Variants in LRRC56 observed in about 807,000 individuals in gnomAD.
LRRC56 encodes the protein leucine rich repeat containing 56.
A neutral mutation model predicts 47.8 loss-of-function variants in LRRC56; 41 were observed. The observed-to-expected ratio is 0.86, with a 90% CI of 0.67 to 1.11. The LOEUF (loss-of-function observed/expected upper bound fraction) is 1.11. LRRC56 is among the 50% of genes most tolerant of loss of function. LRRC56 has a pLI of 0.00. For synonymous variants in LRRC56, 387 were observed against 311.2 expected, an observed-to-expected ratio of 1.24 and a Z score of -2.56; for missense variants, 759 against 704.2, an observed-to-expected ratio of 1.08 and a Z score of -0.88.
Position 541,186 on chromosome 11 carries a change from G to T in LRRC56, c.177+325G>T, listed in dbSNP as rs1265447139. On this transcript the variant is annotated intron_variant, in intron 4 of 13. Coordinates refer to ENST00000270115, the MANE Select transcript of LRRC56 (RefSeq NM_198075.4). The surrounding 1 kb of genome is among the most constrained non-coding windows in gnomAD (Gnocchi z 4.1). ...CATTATCCTCCAACCAAAGAGGGGGGTCCTTCACTCAAGCGGGAGACCAGA... is the reference window on the plus strand; with the variant it reads ...CATTATCCTCCAACCAAAGAGGGGGTTCCTTCACTCAAGCGGGAGACCAGA... 1.3e-5 allele frequency among the ~76,000 whole-genome samples: 2 copies of T among 152,170 alleles called. No homozygotes were observed. Among genetic ancestry groups the T allele is most frequent in the Non-Finnish European group, 1.5e-5 (1 of 68,018 alleles).
chr11:525,508 C>T, the LRRC56 span, among the ~76,000 whole-genome samples: 23 of 151,602 alleles, frequency 1.5e-4, no homozygotes, highest in African/African-American at 5.3e-4. Flanking sequence ...CACTGCACTC[C>T]AGCCTGGGTG....
Position 541,600 on chromosome 11 carries a change from C to A in LRRC56, c.241C>A (p.Arg81Ser). 6.3e-7 allele frequency: 1 copy of A among 1,584,926 alleles called. No homozygotes were observed. The part of the protein sequence containing the change: ...VRTLEMCVDT[R>S]EGSLGNFGVH... ...GACGCTGGAGATGTGTGTGGACACT[C>A]GTGAGGGCAGCCTGGGGAACTTTGG... The change falls in exon 5 of 14, where the codon CGT (arginine) becomes AGT (serine). Residue 81 changes from arginine to serine, a missense_variant. By Grantham distance (110) the Arg-to-Ser change is moderately radical (BLOSUM62 -1). Coordinates refer to ENST00000270115, the MANE Select transcript of LRRC56 (RefSeq NM_198075.4). The surrounding 1 kb of genome is among the most constrained non-coding windows in gnomAD (Gnocchi z 4.1).
chr11:547,510 G>A (rs957553474), intron 6 of LRRC56, among the ~76,000 whole-genome samples: 3 of 151,554 alleles, frequency 2.0e-5, no homozygotes, highest in African/African-American at 7.2e-5. Flanking sequence ...CTGCCACCAC[G>A]CCCGGCTAAT....
Position 552,121 on chromosome 11 carries a change from A to G in LRRC56, c.1070A>G (p.His357Arg). The change falls in exon 12 of 14, where the codon CAC becomes CGC. Residue 357 changes from histidine (H) to arginine (R), a missense_variant. By Grantham distance (29) the His-to-Arg change is conservative. Coordinates refer to ENST00000270115, the MANE Select transcript of LRRC56 (RefSeq NM_198075.4). Reference protein sequence around the residue: ...AREPPEQLPQHRPGDPAASTS... With the variant: ...AREPPEQLPQRRPGDPAASTS... ...GAGCCCCCCGAGCAGCTGCCCCAAC[A>G]CAGGCCAGGAGATCCGGCCGCCAGC... The G allele has an allele frequency of 6.2e-7, 1 of 1,612,224 alleles. No homozygotes were observed.
At chr11:534,532 C>G, upstream of LRRC56, 1 of 598,436 alleles carries the variant, frequency 1.7e-6, no homozygotes, top group Non-Finnish European at 3.0e-6. Context: ...GCAGCTGCAA[C>G]CCAGCGTGCG....
intron 6 of LRRC56, among the ~76,000 whole-genome samples, chr11:547,604 G>A (rs941224299): frequency 1.3e-5 from 2 of 150,528 alleles, no homozygotes; most frequent in African/African-American, 4.9e-5. Flanking sequence ...TGCCCGCCTC[G>A]GCCTCCCAAA....
chr11:547,684 C>T (rs1852160607), intron 6 of LRRC56, among the ~76,000 whole-genome samples: 1 of 151,786 alleles, frequency 6.6e-6, no homozygotes, highest in Non-Finnish European at 1.5e-5. Flanking sequence ...AACAAATTAG[C>T]TCTAAGAACA....
At chr11:524,748 G>A in the LRRC56 span, among the ~76,000 whole-genome samples, 2 of 152,216 alleles carry the variant, frequency 1.3e-5, no homozygotes, top group East Asian at 1.9e-4. Flanking sequence ...TGACCTAAAC[G>A]TCATAACTTA....
chr11:515,654 A>T, the LRRC56 span, among the ~76,000 whole-genome samples: 45 of 152,124 alleles, frequency 3.0e-4, no homozygotes, highest in Non-Finnish European at 5.4e-4. Flanking sequence ...CCTGGCCAAC[A>T]TGGTGAAACC....
chr11:528,662 C>CCAA, the LRRC56 span: 3 of 152,206 alleles, frequency 2.0e-5, no homozygotes, highest in Non-Finnish European at 4.4e-5. Flanking sequence ...ACGATCGTCT[C>CCAA]GAGCCACGGG....
chr11:554,178 C>A lies in LRRC56; in HGVS notation c.1531C>A (p.Arg511=). ...ALEVASRLSP[R]AQGCPGPKPA... is the part of the protein sequence containing the mutation. The stretch of plus-strand genomic sequence containing the variant: ...GGAGGTGGCCTCACGCCTGAGCCCT[C>A]GAGCCCAGGGATGTCCTGGCCCAAA... The change falls in exon 14 of 14, where the codon CGA becomes AGA. Residue 511 remains arginine (R), a synonymous_variant. Coordinates refer to ENST00000270115, the MANE Select transcript of LRRC56 (RefSeq NM_198075.4). 6.3e-7 allele frequency: 1 copy of A among 1,577,288 alleles called. No homozygotes were observed.
the LRRC56 span, among the ~76,000 whole-genome samples, chr11:523,097 C>T: frequency 2.0e-5 from 3 of 152,144 alleles, no homozygotes; most frequent in Non-Finnish European, 4.4e-5. Context: ...GGCGCCATCT[C>T]TGCTCACTGC....
intron 6 of LRRC56, among the ~76,000 whole-genome samples, chr11:545,502 A>G (rs577107379): frequency 6.6e-6 from 1 of 151,404 alleles, no homozygotes; most frequent in Non-Finnish European, 1.5e-5. Flanking sequence ...TAAAGAACCC[A>G]GACCAGACGG....
the LRRC56 span, among the ~76,000 whole-genome samples, chr11:510,608 C>A: frequency 6.6e-6 from 1 of 152,098 alleles, no homozygotes; most frequent in South Asian, 2.1e-4. Context: ...CATGGTGGCA[C>A]ATGCCTGTAA....
chr11:530,727 G>C, the LRRC56 span, among the ~76,000 whole-genome samples: 2 of 46,130 alleles, frequency 4.3e-5, no homozygotes, highest in Non-Finnish European at 7.7e-5. Context: ...AGAGAAGGGG[G>C]AGTGTGGCGT....
the LRRC56 span, among the ~76,000 whole-genome samples, chr11:531,597 G>T: frequency 6.6e-6 from 1 of 152,212 alleles, no homozygotes; most frequent in Non-Finnish European, 1.5e-5. Context: ...AGGGTAGGGT[G>T]AGGGCAGGGG....
chr11:523,887 C>T, the LRRC56 span, among the ~76,000 whole-genome samples: 3 of 152,102 alleles, frequency 2.0e-5, no homozygotes, highest in South Asian at 2.1e-4. Flanking sequence ...GAGATTGTGC[C>T]ACTGCACTCC....
At chr11:530,455 CGTCCCCTGG>C in the LRRC56 span, among the ~76,000 whole-genome samples, 3 of 138,732 alleles carry the variant, frequency 2.2e-5, no homozygotes, top group East Asian at 2.1e-4. Flanking sequence ...GCAAGTGTGG[CGTCCCCTGG>C]AGAGAAGGGC....
intron 2 of LRRC56, among the ~76,000 whole-genome samples, chr11:539,146 T>C (rs754608525): frequency 2.6e-5 from 4 of 152,206 alleles, no homozygotes; most frequent in Non-Finnish European, 5.9e-5. Flanking sequence ...AGTGGTGCCA[T>C]CTTGGCTCAC....
Sources: allele counts gnomAD v4.1 joint callset (sites outside exome capture counted in the v4.1 genomes callset), GRCh38; gene constraint gnomAD v4.1.1; non-coding constraint Gnocchi (gnomAD v3.1); transcripts MANE v1.5; gene names NCBI Gene and HGNC (gene_info 2026-07-23, HGNC 2026-07-21).